FAM222B: variants seen among roughly 807,000 people sequenced by gnomAD.
FAM222B encodes the protein protein FAM222B.
A neutral mutation model predicts 38.0 loss-of-function variants in FAM222B; 12 were observed. The observed-to-expected ratio is 0.32, with a 90% CI of 0.20 to 0.51. The LOEUF (loss-of-function observed/expected upper bound fraction) is 0.51, where lower values mean the gene tolerates loss of function less well. Ranked by LOEUF, FAM222B falls within the 20% of genes least tolerant of loss-of-function variation. The pLI is 0.97. For synonymous variants in FAM222B, 329 were observed against 317.2 expected (o/e 1.04, Z -0.40); for missense variants, 716 against 754.2 (o/e 0.95, Z 0.59).
At chr17:28,767,865 T>C (rs181627196) in intron 1 of FAM222B, among the ~76,000 whole-genome samples, 24 of 152,294 alleles carry the variant, frequency 1.6e-4, no homozygotes, top group African/African-American at 5.8e-4. Flanking sequence ...TTTCTGGGGC[T>C]TCACCCTTCC....
upstream of FAM222B, among the ~76,000 whole-genome samples, chr17:28,846,553 C>T (rs2039147413): frequency 1.3e-5 from 2 of 151,952 alleles, no homozygotes; most frequent in African/African-American, 2.4e-5. Context: ...TCTGTAGTCC[C>T]AGCTACTTGG....
intron 1 of FAM222B, among the ~76,000 whole-genome samples, chr17:28,832,189 CA>C (rs1391126631): frequency 2.0e-5 from 3 of 149,386 alleles, no homozygotes; most frequent in Admixed American, 6.7e-5. Context: ...GACTCCATCT[CA>C]AAAAAAATAA....
At chr17:28,835,131 C>A (rs534925643) in intron 1 of FAM222B, among the ~76,000 whole-genome samples, 23 of 151,960 alleles carry the variant, frequency 1.5e-4, no homozygotes, top group Middle Eastern at 3.4e-3. Context: ...CTGCAACTTT[C>A]ACCTCCCGGG....
At position 28,763,307 on chromosome 17, in the gene FAM222B, T is replaced by C. The variant is rs145070544; in HGVS notation, c.82+3279A>G. 4.7e-3 allele frequency among the ~76,000 whole-genome samples: 713 copies of C among 152,294 alleles called. 5 individuals are homozygous for C. The highest frequency in any genetic ancestry group is 0.016 in the African/African-American group (665 of 41,556). Reference sequence around the variant, plus strand: ...CATTTTCACTAAATGAGCATTTTCATTGAAAATGAAACAATGATGGTCAAT... The same window carrying C: ...CATTTTCACTAAATGAGCATTTTCACTGAAAATGAAACAATGATGGTCAAT... On this transcript the variant is annotated intron_variant, in intron 2 of 2. Transcript: ENST00000581407.
intron 1 of FAM222B, among the ~76,000 whole-genome samples, chr17:28,781,201 G>A (rs2036153351): frequency 6.6e-6 from 1 of 152,054 alleles, no homozygotes; most frequent in African/African-American, 2.4e-5. Context: ...GGGAGACTGA[G>A]GTGGGGGGAT....
chr17:28,773,840 CAGA>C (rs967299370), intron 1 of FAM222B, among the ~76,000 whole-genome samples: 26 of 152,174 alleles, frequency 1.7e-4, no homozygotes, highest in African/African-American at 6.3e-4. Context: ...TCATCCTTTC[CAGA>C]AGACTTCCTC....
intron 1 of FAM222B, among the ~76,000 whole-genome samples, chr17:28,804,002 AAAAC>A (rs2037360586): frequency 6.6e-6 from 1 of 152,070 alleles, no homozygotes; most frequent in South Asian, 2.1e-4. Flanking sequence ...CAAAAAGCAA[AAAAC>A]AAACAAAAAT....
Position 28,787,826 on chromosome 17 carries a change from C to CTTT in FAM222B, c.-40-21122_-40-21120dup, listed in dbSNP as rs59467944. ...ACAAATAAAAAACTAATAAAGTAGT[C>CTTT]TTTTTTTTTTTTTTTTTGAGACGGA... On this transcript the variant is annotated intron_variant, in intron 1 of 2. Transcript: ENST00000581407. Among the ~76,000 whole-genome samples, 196 of 130,178 alleles carry CTTT rather than the reference C, an allele frequency of 1.5e-3. 1 individual carries two copies. Among genetic ancestry groups the CTTT allele is most frequent in the Non-Finnish European group, 1.9e-3 (118 of 62,848 alleles). The allele number at this position is 130,178 out of a possible 152,430, so 85.4% of individuals were successfully genotyped here.
At chr17:28,847,783 G>A (rs758528170), upstream of FAM222B, among the ~76,000 whole-genome samples, 1 of 151,574 alleles carries the variant, frequency 6.6e-6, no homozygotes, top group African/African-American at 2.4e-5. Context: ...GCGCCATGGC[G>A]GGCGCCTATA....
At position 28,759,207 on chromosome 17, in the gene FAM222B, A is replaced by G. The variant is rs2034916477; in HGVS notation, c.752T>C (p.Leu251Pro). The G allele has an allele frequency of 6.2e-7, 1 of 1,613,630 alleles. No individual in the cohort carries two copies. Among genetic ancestry groups the G allele is most frequent in the Non-Finnish European group, 8.5e-7 (1 of 1,179,784 alleles). The part of the protein sequence containing the change: ...NVTVSTSTIP[L>P]SMAATLQHSQ... ...GTGCTGCAGAGTGGCCGCCATTGAAAGGGGGATAGTTGAGGTAGACACGGT... is the reference window on the plus strand; with the variant it reads ...GTGCTGCAGAGTGGCCGCCATTGAAGGGGGGATAGTTGAGGTAGACACGGT... Residue 251 changes from leucine (L) to proline (P), a missense_variant, in exon 3 of 3, where the codon CTT (leucine) becomes CCT (proline). Leu to Pro is a moderately conservative substitution (Grantham distance 98). Coordinates refer to ENST00000581407, the MANE Select transcript of FAM222B (RefSeq NM_001077498.3). The surrounding 1 kb of genome is among the most constrained non-coding windows in gnomAD (Gnocchi z 4.8).
chr17:28,766,152 G>T (rs1157759286), intron 2 of FAM222B, among the ~76,000 whole-genome samples: 1 of 152,026 alleles, frequency 6.6e-6, no homozygotes, highest in Non-Finnish European at 1.5e-5. Flanking sequence ...GGGAATTACA[G>T]AATTTAAGCA....
chr17:28,842,719 TGCCGCCC>T lies in FAM222B; in HGVS notation c.-85_-79del, dbSNP rs377687720. The T allele has an allele frequency of 1.4e-3, 212 of 153,670 alleles. No individual in the cohort carries two copies. The highest frequency in any genetic ancestry group is 2.2e-3 in the Non-Finnish European group (150 of 69,072). The allele number at this position is 153,670 out of a possible 1,614,324, so 9.5% of individuals were successfully genotyped here. ...GGCCCGGCCCTCATGGCTGCTCCTT[TGCCGCCC>T]GCCGCCCGCCGCCACCACTTCTCCA... is the stretch of plus-strand genomic sequence containing the variant. On this transcript the variant is annotated 5_prime_UTR_variant, in exon 1 of 3. Transcript: ENST00000581407.
intron 1 of FAM222B, among the ~76,000 whole-genome samples, chr17:28,795,127 C>CA (rs916164279): frequency 2.6e-5 from 4 of 151,690 alleles, no homozygotes; most frequent in Non-Finnish European, 4.4e-5. Context: ...TCCTATACAG[C>CA]AAAAGAGACG....
intron 1 of FAM222B, among the ~76,000 whole-genome samples, chr17:28,817,310 G>A (rs754568915): frequency 1.3e-4 from 20 of 151,882 alleles, no homozygotes; most frequent in Non-Finnish European, 2.2e-4. Context: ...ATACTCAGGA[G>A]GATGAGATAG....
At chr17:28,838,034 G>T (rs879490453) in intron 1 of FAM222B, among the ~76,000 whole-genome samples, 3 of 152,110 alleles carry the variant, frequency 2.0e-5, no homozygotes, top group Non-Finnish European at 4.4e-5. Flanking sequence ...GGGAGGTAGA[G>T]GCGGGTGGAA....
intron 1 of FAM222B, among the ~76,000 whole-genome samples, chr17:28,804,539 T>A (rs1404879172): frequency 1.3e-5 from 2 of 151,940 alleles, no homozygotes; most frequent in Non-Finnish European, 2.9e-5. Context: ...TTTCACTATG[T>A]TGGCCAGGAT....
chr17:28,794,329 C>T (rs1212466438), intron 1 of FAM222B, among the ~76,000 whole-genome samples: 2 of 151,550 alleles, frequency 1.3e-5, no homozygotes, highest in African/African-American at 4.8e-5. Flanking sequence ...AGCAATTCTT[C>T]TGCCTCAAGC....
chr17:28,828,429 C>T (rs1312404250), intron 1 of FAM222B, among the ~76,000 whole-genome samples: 1 of 151,696 alleles, frequency 6.6e-6, no homozygotes. Flanking sequence ...ATTAGCCAGG[C>T]ATGGTGGCGC....
chr17:28,798,147 C>T (rs2037032317), intron 1 of FAM222B, among the ~76,000 whole-genome samples: 1 of 152,186 alleles, frequency 6.6e-6, no homozygotes, highest in Middle Eastern at 3.4e-3. Context: ...TCTCAACACT[C>T]TGGGAGGCTG....
Sources: gnomAD v4.1 joint callset for allele counts (sites outside exome capture counted in the v4.1 genomes callset) on GRCh38, gnomAD v4.1.1 for gene constraint, Gnocchi (gnomAD v3.1) non-coding constraint, MANE v1.5 for transcripts, NCBI Gene and HGNC (gene_info 2026-07-23, HGNC 2026-07-21) for gene names.